The following CAST variants were observed in gnomAD, a reference collection of about 807,000 sequenced individuals.
The protein encoded by CAST is calpastatin, also known as MIR583 host.
A neutral mutation model predicts 119.6 loss-of-function variants in CAST; 76 were observed. The observed-to-expected ratio is 0.64, with a 90% confidence interval of 0.53 to 0.77. The LOEUF is 0.77. Among genes scored for constraint, CAST ranks in the 30% least tolerant of loss-of-function variants. CAST has a pLI of 0.00. For missense variants in CAST, 953 were observed against 946.5 expected (o/e 1.01, Z -0.09); for synonymous variants, 319 against 331.6 (o/e 0.96, Z 0.41).
the CAST span, among the ~76,000 whole-genome samples, chr5:96,389,535 C>A: frequency 6.6e-6 from 1 of 152,094 alleles, no homozygotes; most frequent in African/African-American, 2.4e-5. Context: ...TGGGGAAAAA[C>A]CAGTTCCCAA....
intron 1 of CAST, among the ~76,000 whole-genome samples, chr5:96,648,312 G>C (rs1447263755): frequency 6.6e-6 from 1 of 152,134 alleles, no homozygotes; most frequent in Non-Finnish European, 1.5e-5. Flanking sequence ...TTTCAGGATA[G>C]AGTCACTCAG....
At chr5:96,619,766 C>T (rs890828799) in intron 1 of CAST, among the ~76,000 whole-genome samples, 4 of 150,508 alleles carry the variant, frequency 2.7e-5, no homozygotes, top group East Asian at 3.8e-4. Flanking sequence ...CGCGAGGGTC[C>T]GTGGCTTCAT....
intron 1 of CAST, among the ~76,000 whole-genome samples, chr5:96,610,519 C>G (rs1252499158): frequency 1.3e-5 from 2 of 152,126 alleles, no homozygotes; most frequent in African/African-American, 4.8e-5. Context: ...GAACATACCT[C>G]AAAATAACAA....
the CAST span, among the ~76,000 whole-genome samples, chr5:96,488,640 T>C: frequency 6.6e-6 from 1 of 152,146 alleles, no homozygotes; most frequent in Non-Finnish European, 1.5e-5. Context: ...TCCCTTAGAG[T>C]AGATCTTCAG....
intron 1 of CAST, among the ~76,000 whole-genome samples, chr5:96,673,067 T>C (rs6556938): frequency 1.4e-4 from 21 of 152,006 alleles, no homozygotes; most frequent in African/African-American, 4.8e-4. Context: ...AAAGTTTCTC[T>C]TTTGTGAAAT....
At chr5:96,356,842 A>T in the CAST span, among the ~76,000 whole-genome samples, 1 of 152,198 alleles carries the variant, frequency 6.6e-6, no homozygotes, top group Non-Finnish European at 1.5e-5. Context: ...TATGAAATTT[A>T]AAGTAATTTG....
the CAST span, among the ~76,000 whole-genome samples, chr5:95,988,833 A>AC: frequency 6.6e-6 from 1 of 152,214 alleles, no homozygotes; most frequent in Non-Finnish European, 1.5e-5. Flanking sequence ...GAATTTTTAA[A>AC]AAATTGTTTA....
At chr5:96,445,696 T>C in the CAST span, among the ~76,000 whole-genome samples, 1 of 152,202 alleles carries the variant, frequency 6.6e-6, no homozygotes, top group Non-Finnish European at 1.5e-5. Flanking sequence ...TTCCTCAGTC[T>C]TGTGCATTTT....
chr5:96,644,144 A>G (rs575087569), intron 1 of CAST, among the ~76,000 whole-genome samples: 86 of 152,334 alleles, frequency 5.6e-4, no homozygotes, highest in African/African-American at 2.0e-3. Context: ...ACTAAAAACC[A>G]TGGAATTGTA....
the CAST span, among the ~76,000 whole-genome samples, chr5:96,428,568 T>C: frequency 5.9e-5 from 9 of 152,350 alleles, 2 homozygotes; most frequent in African/African-American, 2.2e-4. Context: ...TTATTTCTGC[T>C]GTAACCTAAT....
the CAST span, among the ~76,000 whole-genome samples, chr5:96,517,316 A>G: frequency 6.6e-6 from 1 of 152,072 alleles, no homozygotes; most frequent in Non-Finnish European, 1.5e-5. Context: ...TTTCTCTCCC[A>G]TCTCTTTCCT....
the CAST span, among the ~76,000 whole-genome samples, chr5:96,120,390 C>G: frequency 6.6e-6 from 1 of 152,004 alleles, no homozygotes; most frequent in South Asian, 2.1e-4. Flanking sequence ...GAGATATTGC[C>G]CTGTAAGTAA....
the CAST span, among the ~76,000 whole-genome samples, chr5:96,009,232 T>C: frequency 6.6e-6 from 1 of 152,302 alleles, no homozygotes; most frequent in East Asian, 1.9e-4. Context: ...TCTAGGTTGG[T>C]TTACGTCTTT....
the CAST span, among the ~76,000 whole-genome samples, chr5:96,219,501 G>A: frequency 7.0e-3 from 1,070 of 152,260 alleles, 11 homozygotes; most frequent in African/African-American, 0.025. Context: ...GCATTGCCTA[G>A]TCCATGTCAA....
the CAST span, among the ~76,000 whole-genome samples, chr5:96,108,999 T>G: frequency 1.3e-5 from 2 of 152,382 alleles, no homozygotes; most frequent in South Asian, 2.1e-4. Flanking sequence ...AGGTGCCGTC[T>G]GTCACCCCTT....
chr5:95,961,439 G>T, the CAST span: 2 of 1,146,528 alleles, frequency 1.7e-6, no homozygotes, highest in African/African-American at 1.6e-5. Context: ...GCCCGGCCCT[G>T]CCCTGCCTGG....
chr5:96,063,288 C>T, the CAST span, among the ~76,000 whole-genome samples: 4 of 152,096 alleles, frequency 2.6e-5, no homozygotes, highest in Non-Finnish European at 4.4e-5. Context: ...ATGACCCCCA[C>T]CTGAGGGCAG....
the CAST span, among the ~76,000 whole-genome samples, chr5:96,238,624 C>T: frequency 4.0e-5 from 6 of 150,954 alleles, no homozygotes; most frequent in South Asian, 1.0e-3. Flanking sequence ...GGTCTCGAAC[C>T]TCTGACCTCA....
chr5:96,549,206 T>C (rs932469098), intron 1 of CAST, among the ~76,000 whole-genome samples: 2 of 152,172 alleles, frequency 1.3e-5, no homozygotes, highest in African/African-American at 2.4e-5. Flanking sequence ...TACTAGCACA[T>C]GAATACACAA....
Sources: allele counts gnomAD v4.1 joint callset (sites outside exome capture counted in the v4.1 genomes callset), GRCh38; gene constraint gnomAD v4.1.1; transcripts MANE v1.5; gene names NCBI Gene and HGNC (gene_info 2026-07-23, HGNC 2026-07-21).